Variants in MAFF observed in about 807,000 individuals in gnomAD.
MAFF encodes the protein MAF bZIP transcription factor F, also known as transcription factor MafF.
Under a neutral mutation model 2.7 loss-of-function variants are expected in MAFF, and 4 were observed. The observed-to-expected ratio is 1.48, with a 90% CI of 0.73 to 3.39. MAFF has a LOEUF of 3.39. MAFF is among the 30% of genes most tolerant of loss of function. The probability of loss-of-function intolerance (pLI) is 0.01; values close to 1 mark genes in which losing one functional copy is unlikely to be tolerated. For missense variants in MAFF, 190 were observed against 246.6 expected, an observed-to-expected ratio of 0.77 and a Z score of 1.54; for synonymous variants, 113 against 119.4, an observed-to-expected ratio of 0.95 and a Z score of 0.35.
intron 1 of MAFF, chr22:38,213,554 C>A: frequency 1.8e-6 from 1 of 559,362 alleles, no homozygotes; most frequent in Non-Finnish European, 3.4e-6. Context: ...CAAAGAGGAC[C>A]TCCTGAGGAG....
Position 38,214,880 on chromosome 22 carries a change from GC to G in MAFF, c.*5del. On this transcript the variant is annotated 3_prime_UTR_variant, in exon 3 of 3. Coordinates refer to ENST00000338483, the MANE Select transcript of MAFF (RefSeq NM_012323.4). The surrounding 1 kb of genome is among the most constrained non-coding windows in gnomAD (Gnocchi z 6.3). ...CACGGCCCGGCCTCCTGCTCCTAGTGCCCGCCCCCGCCATGCCTCAGCCACG... is the reference window on the plus strand; with the variant it reads ...CACGGCCCGGCCTCCTGCTCCTAGTGCCGCCCCCGCCATGCCTCAGCCACG... The G allele has an allele frequency of 6.6e-7, 1 of 1,508,896 alleles. No individual in the cohort carries two copies. The allele number at this position is 1,508,896 out of a possible 1,614,324, so 93.5% of individuals were successfully genotyped here. A position where few individuals can be genotyped will look rare whatever the true frequency, so the allele number is the denominator to read the frequency against.
chr22:38,213,528 G>A (rs2091117928), intron 1 of MAFF: 2 of 486,732 alleles, frequency 4.1e-6, no homozygotes, highest in Non-Finnish European at 8.0e-6. Flanking sequence ...ACACAGAGGC[G>A]TTTAGCCAGA....
chr22:38,207,973 C>G (rs2091066390), intron 1 of MAFF, among the ~76,000 whole-genome samples: 1 of 152,154 alleles, frequency 6.6e-6, no homozygotes, highest in Non-Finnish European at 1.5e-5. Context: ...TTCATTCACA[C>G]CTATTGTGTG....
intron 1 of MAFF, among the ~76,000 whole-genome samples, chr22:38,208,798 A>G (rs2091073436): frequency 6.6e-6 from 1 of 152,146 alleles, no homozygotes; most frequent in African/African-American, 2.4e-5. Context: ...CCCAGGGCCG[A>G]AGGATGAGTA....
intron 1 of MAFF, among the ~76,000 whole-genome samples, chr22:38,206,105 A>G (rs889214217): frequency 2.6e-5 from 4 of 152,162 alleles, no homozygotes; most frequent in African/African-American, 7.2e-5. Flanking sequence ...AGCTTCCGCT[A>G]TTATCAAGGA....
chr22:38,205,893 C>T (rs1345564247), intron 1 of MAFF, among the ~76,000 whole-genome samples: 1 of 152,236 alleles, frequency 6.6e-6, no homozygotes, highest in African/African-American at 2.4e-5. Context: ...CTGAGGTTAC[C>T]AGAAAGTTCC....
In MAFF at chr22:38,214,714, T is replaced by A. The variant is rs2091130837; in HGVS notation, c.331T>A (p.Cys111Ser). 1.3e-6 allele frequency: 2 copies of A among 1,530,286 alleles called. No homozygotes were observed. The allele number at this position is 1,530,286 out of a possible 1,614,324, so 94.8% of individuals were successfully genotyped here. A position where few individuals can be genotyped will look rare whatever the true frequency, so the allele number is the denominator to read the frequency against. The change falls in exon 3 of 3, where the codon TGC becomes AGC. Residue 111 changes from cysteine to serine, a missense_variant. This residue lies in a region of MAFF where 103 missense variants were observed against 103.0 expected (regional missense o/e 1.00). Transcript: ENST00000338483. This position sits in a 1 kb window ranked among gnomAD's most constrained non-coding sequence, Gnocchi z 6.3. ...GGAGCTCGACGCGCTGCGCGGCAAG[T>A]GCGAGGCGCTGCAGGGCTTCGCGCG... ...RLELDALRGK[C>S]EALQGFARSV...
chr22:38,205,468 G>A (rs2091044771), intron 1 of MAFF: 1 of 152,342 alleles, frequency 6.6e-6, no homozygotes, highest in Non-Finnish European at 1.5e-5. Flanking sequence ...CCAGAAAGGA[G>A]CCCATGCCAG....
chr22:38,204,589 C>T (rs1289854882), intron 1 of MAFF, among the ~76,000 whole-genome samples: 14 of 152,178 alleles, frequency 9.2e-5, no homozygotes, highest in Admixed American at 9.2e-4. Context: ...CCCAGAGAAA[C>T]AGGAAGCCAG....
chr22:38,208,618 G>T (rs760954645), intron 1 of MAFF, among the ~76,000 whole-genome samples: 2 of 152,206 alleles, frequency 1.3e-5, no homozygotes, highest in African/African-American at 4.8e-5. Context: ...CCCAGTGCCT[G>T]CTCCCTGCCA....
At chr22:38,209,562 C>T (rs907077456) in intron 1 of MAFF, among the ~76,000 whole-genome samples, 4 of 151,948 alleles carry the variant, frequency 2.6e-5, no homozygotes, top group Non-Finnish European at 4.4e-5. Context: ...CCTGTAATCC[C>T]GGCACTTCAG....
chr22:38,209,838 G>GAA (rs1203453459), intron 1 of MAFF, among the ~76,000 whole-genome samples: 1 of 138,258 alleles, frequency 7.2e-6, no homozygotes, highest in Non-Finnish European at 1.6e-5. Context: ...AAAAAAAAGG[G>GAA]AAAAAAAAAA....
At chr22:38,212,911 CA>C (rs762510763) in intron 1 of MAFF, among the ~76,000 whole-genome samples, 12 of 152,202 alleles carry the variant, frequency 7.9e-5, no homozygotes, top group Admixed American at 4.6e-4. Flanking sequence ...CACACCTGTC[CA>C]GCACTTTGGG....
intron 1 of MAFF, among the ~76,000 whole-genome samples, chr22:38,207,667 A>G (rs954693471): frequency 6.6e-6 from 1 of 150,988 alleles, no homozygotes; most frequent in Admixed American, 6.6e-5. Context: ...GCGGGATCAC[A>G]GCTCACTGCC....
At chr22:38,203,914 G>C (rs2091033350) in intron 1 of MAFF, 1 of 152,314 alleles carries the variant, frequency 6.6e-6, no homozygotes, top group African/African-American at 2.4e-5. Context: ...CCCCATGCCA[G>C]GAGCTGGGGG....
At position 38,214,409 on chromosome 22, in the gene MAFF, C is replaced by T; in HGVS notation, c.37-11C>T. On this transcript the variant is annotated splice_polypyrimidine_tract_variant and intron_variant, in intron 2 of 2. Coordinates refer to ENST00000338483, the MANE Select transcript of MAFF (RefSeq NM_012323.4). This position sits in a 1 kb window ranked among gnomAD's most constrained non-coding sequence, Gnocchi z 6.3. ...CCAGTCCCCTGGACCTCAGTTTCCT[C>T]ATGCCCGCAGATCAAGCGAGAGCTG... is the stretch of plus-strand genomic sequence containing the variant. 3.8e-6 allele frequency: 6 copies of T among 1,577,134 alleles called. No homozygotes were observed. Among genetic ancestry groups the T allele is most frequent in the Non-Finnish European group, 4.3e-6 (5 of 1,159,668 alleles).
downstream of MAFF, chr22:38,216,508 T>C (rs944278696): frequency 6.6e-6 from 1 of 150,830 alleles, no homozygotes; most frequent in Non-Finnish European, 1.6e-5. Flanking sequence ...CCACAGAGAA[T>C]AAATGTGTAT....
In MAFF at chr22:38,214,300, G is replaced by A; in HGVS notation, c.37-120G>A. On this transcript the variant is annotated intron_variant, in intron 2 of 2. Transcript: ENST00000338483. This position sits in a 1 kb window ranked among gnomAD's most constrained non-coding sequence, Gnocchi z 6.3. ...CTTCCCGGATTCCTGCTCCCCTTCG[G>A]GGTTTTGGATCAAGTCCACCCACCA... 1 of 974,890 alleles carries A rather than the reference G, an allele frequency of 1.0e-6. No homozygotes were observed. Among genetic ancestry groups the A allele is most frequent in the South Asian group, 1.7e-5 (1 of 58,678 alleles). 60.4% of individuals were successfully genotyped at this position (974,890 alleles called of 1,614,324 possible). A position where few individuals can be genotyped will look rare whatever the true frequency, so the allele number is the denominator to read the frequency against.
At chr22:38,211,251 C>T (rs1269350290) in intron 1 of MAFF, among the ~76,000 whole-genome samples, 1 of 144,964 alleles carries the variant, frequency 6.9e-6, no homozygotes, top group Admixed American at 6.9e-5. Context: ...TTTTTTCAGA[C>T]GGAGTCTCAC....
Sources: allele counts gnomAD v4.1 joint callset (sites outside exome capture counted in the v4.1 genomes callset), GRCh38; gene constraint gnomAD v4.1.1; regional missense constraint gnomAD v4.1.1; non-coding constraint Gnocchi (gnomAD v3.1); transcripts MANE v1.5; gene names NCBI Gene and HGNC (gene_info 2026-07-23, HGNC 2026-07-21).